TSNAX: variants seen among roughly 807,000 people sequenced by gnomAD.
The protein encoded by TSNAX is translin associated factor X, also known as translin-associated protein X.
In TSNAX, 12 loss-of-function variants were observed where a neutral mutation model predicts 33.0. That is an observed-to-expected ratio of 0.36 (90% confidence interval 0.23 to 0.59). The LOEUF (loss-of-function observed/expected upper bound fraction) is 0.59, where lower values mean the gene tolerates loss of function less well. Ranked by LOEUF, TSNAX falls within the 20% of genes least tolerant of loss-of-function variation. TSNAX has a pLI of 0.74. For missense variants in TSNAX, 267 were observed against 341.3 expected, an observed-to-expected ratio of 0.78 and a Z score of 1.72; for synonymous variants, 110 against 117.2, an observed-to-expected ratio of 0.94 and a Z score of 0.40.
At chr1:231,544,909 G>A (rs1659804861) in intron 4 of TSNAX, among the ~76,000 whole-genome samples, 1 of 150,758 alleles carries the variant, frequency 6.6e-6, no homozygotes, top group African/African-American at 2.4e-5. Flanking sequence ...CTGTATCATT[G>A]AGGATTATTA....
At chr1:231,528,950 C>A (rs1658456040) in intron 1 of TSNAX, 124 bp downstream of exon 1, 1 of 1,300,188 alleles carries the variant, frequency 7.7e-7, no homozygotes, top group Non-Finnish European at 1.1e-6. Context: ...CGGGGGCGGC[C>A]CCTCTGTTTC....
chr1:231,531,117 C>T (rs1048641226), intron 2 of TSNAX, among the ~76,000 whole-genome samples: 1 of 151,982 alleles, frequency 6.6e-6, no homozygotes, highest in Non-Finnish European at 1.5e-5. Flanking sequence ...TGTCACCATG[C>T]CTAATTTTTT....
At chr1:231,547,622 C>A (rs1615344) in intron 4 of TSNAX, among the ~76,000 whole-genome samples, 27,082 of 151,662 alleles carry the variant, frequency 0.18, 2,996 homozygotes, top group East Asian at 0.49. Context: ...AACTCCTGAC[C>A]TCAACTGATC....
At chr1:231,556,809 A>G (rs944669182) in intron 4 of TSNAX, among the ~76,000 whole-genome samples, 1 of 152,202 alleles carries the variant, frequency 6.6e-6, no homozygotes, top group Non-Finnish European at 1.5e-5. Context: ...TTATGTACCC[A>G]TCTTGGAAAT....
intron 5 of TSNAX, among the ~76,000 whole-genome samples, chr1:231,563,901 A>G (rs1028065603): frequency 1.3e-5 from 2 of 152,068 alleles, no homozygotes; most frequent in African/African-American, 4.8e-5. Flanking sequence ...CAGACTCTGC[A>G]GTTGTGATTA....
At chr1:231,563,441 A>T (rs1049478701) in intron 5 of TSNAX, 1 of 154,730 alleles carries the variant, frequency 6.5e-6, no homozygotes, top group Non-Finnish European at 1.5e-5. Context: ...CCTCTGAGGT[A>T]GGTACTGTTA....
intron 3 of TSNAX, among the ~76,000 whole-genome samples, chr1:231,539,961 G>A (rs1659455676): frequency 6.6e-6 from 1 of 152,158 alleles, no homozygotes; most frequent in Admixed American, 6.5e-5. Context: ...AAGGCAGGCA[G>A]ATCACTTGAG....
intron 2 of TSNAX, chr1:231,535,821 A>G (rs1659127219): frequency 6.6e-6 from 1 of 152,200 alleles, no homozygotes; most frequent in African/African-American, 2.4e-5. Context: ...TTTGTTCTGT[A>G]AGGAAAAGGA....
chr1:231,564,404 C>A, intron 5 of TSNAX, 124 bp from the exon 6 acceptor site: 1 of 1,466,918 alleles, frequency 6.8e-7, no homozygotes. Flanking sequence ...ATTAGTATGA[C>A]TGATTTGCTA....
intron 2 of TSNAX, chr1:231,536,747 GA>G (rs1195312875): frequency 6.6e-6 from 1 of 152,058 alleles, no homozygotes. Flanking sequence ...TGTGTTTTGA[GA>G]ATTAGTGTCA....
chr1:231,562,659 A>G (rs1453666160), intron 5 of TSNAX, among the ~76,000 whole-genome samples: 1 of 152,148 alleles, frequency 6.6e-6, no homozygotes, highest in Non-Finnish European at 1.5e-5. Flanking sequence ...GGACTTAGGT[A>G]CCAGATTATT....
chr1:231,540,539 T>C (rs1659509425), intron 3 of TSNAX, among the ~76,000 whole-genome samples: 1 of 152,226 alleles, frequency 6.6e-6, no homozygotes, highest in Non-Finnish European at 1.5e-5. Flanking sequence ...TCCTTTTAAA[T>C]TTATGGAGCC....
intron 3 of TSNAX, among the ~76,000 whole-genome samples, chr1:231,538,117 G>T (rs939555609): frequency 6.6e-6 from 1 of 151,680 alleles, no homozygotes; most frequent in Non-Finnish European, 1.5e-5. Context: ...ATTCTTTTTC[G>T]AAAGTTCCTG....
intron 4 of TSNAX, among the ~76,000 whole-genome samples, chr1:231,556,938 C>T (rs1283003179): frequency 2.0e-5 from 3 of 151,192 alleles, no homozygotes; most frequent in Admixed American, 1.3e-4. Flanking sequence ...GTATTCTGAG[C>T]GCCATGGGAA....
rs999569864 is a variant in TSNAX at position 231,561,327 on chromosome 1, C to G, written c.495+72C>G. Reference sequence around the variant, plus strand: ...CAGTATGACGATTCTAGTAGATTTACTGGCTTATGCTAAGATTGAGATGGG... The same window carrying G: ...CAGTATGACGATTCTAGTAGATTTAGTGGCTTATGCTAAGATTGAGATGGG... On this transcript the variant is annotated intron_variant, in intron 5 of 5. Transcript: ENST00000366639. 3.4e-5 allele frequency: 41 copies of G among 1,193,326 alleles called. No individual in the cohort carries two copies. The East Asian group carries it at 5.9e-4, about 17-fold the overall frequency. The allele number at this position is 1,193,326 out of a possible 1,614,324, so 73.9% of individuals were successfully genotyped here.
In TSNAX at chr1:231,565,617, G is replaced by C. The variant is rs1383275356; in HGVS notation, c.*712G>C. The C allele has an allele frequency of 6.6e-6, 1 of 152,552 alleles. No homozygotes were observed. Among genetic ancestry groups the C allele is most frequent in the Non-Finnish European group, 1.5e-5 (1 of 68,384 alleles). 9.4% of individuals were successfully genotyped at this position (152,552 alleles called of 1,614,324 possible). On this transcript the variant is annotated 3_prime_UTR_variant, in exon 6 of 6. Coordinates refer to ENST00000366639, the MANE Select transcript of TSNAX (RefSeq NM_005999.3). ...TATGTGCCTGTAATCCCAGCTACTT[G>C]GGAGGCTGAGGCAGGAGACTCGCTT...
intron 4 of TSNAX, among the ~76,000 whole-genome samples, chr1:231,544,650 T>A (rs990092484): frequency 6.6e-6 from 1 of 152,220 alleles, no homozygotes; most frequent in Non-Finnish European, 1.5e-5. Flanking sequence ...TTCTATTTTG[T>A]ATGTCCTCAT....
intron 4 of TSNAX, among the ~76,000 whole-genome samples, chr1:231,553,538 C>T (rs199927506): frequency 5.1e-4 from 78 of 152,230 alleles, no homozygotes; most frequent in Middle Eastern, 3.4e-3. Context: ...CTGAAAATAG[C>T]GGATGTCCTT....
Position 231,556,025 on chromosome 1 carries a change from A to G in TSNAX, c.368-5103A>G, listed in dbSNP as rs369257790. Among the ~76,000 whole-genome samples the G allele has an allele frequency of 1.1e-4, 16 of 152,342 alleles. No individual in the cohort carries two copies. In the South Asian group the frequency reaches 2.9e-3, roughly 28 times the overall value. On this transcript the variant is annotated intron_variant, in intron 4 of 5. Coordinates refer to ENST00000366639, the MANE Select transcript of TSNAX (RefSeq NM_005999.3). ...ATAGACAATCAAAAAGCAAAGTACT[A>G]TTTTTAAAACTACTCCTGCTTCTGA...
Sources: gnomAD v4.1 joint callset for allele counts (sites outside exome capture counted in the v4.1 genomes callset) on GRCh38, gnomAD v4.1.1 for gene constraint, MANE v1.5 for transcripts, NCBI Gene and HGNC (gene_info 2026-07-23, HGNC 2026-07-21) for gene names.